Variants in KCNK10 observed in about 807,000 individuals in gnomAD.
KCNK10 encodes the protein potassium channel subfamily K member 10.
In KCNK10, 25 loss-of-function variants were observed where a neutral mutation model predicts 47.7. That is an observed-to-expected ratio of 0.52 (90% CI 0.38 to 0.73). The LOEUF (loss-of-function observed/expected upper bound fraction) is 0.73, where lower values mean the gene tolerates loss of function less well. KCNK10 is among the 30% of genes least tolerant of loss of function. The pLI, the probability that KCNK10 is intolerant of heterozygous loss-of-function variation, is 0.00. For synonymous variants in KCNK10, 303 were observed against 285.6 expected (o/e 1.06, Z -0.61); for missense variants, 563 against 714.5 (o/e 0.79, Z 2.42).
intron 4 of KCNK10, among the ~76,000 whole-genome samples, chr14:88,200,176 T>G (rs1463659774): frequency 6.6e-6 from 1 of 151,954 alleles, no homozygotes; most frequent in Non-Finnish European, 1.5e-5. Flanking sequence ...TCCTTCTTTT[T>G]TTAGACAAAT....
chr14:88,281,217 C>T (rs1340201988), intron 1 of KCNK10, among the ~76,000 whole-genome samples: 1 of 152,212 alleles, frequency 6.6e-6, no homozygotes, highest in Non-Finnish European at 1.5e-5. Context: ...CGGCTGGCTC[C>T]TTCCCATTCT....
chr14:88,290,176 G>T (rs2139780049), intron 1 of KCNK10, among the ~76,000 whole-genome samples: 1 of 152,178 alleles, frequency 6.6e-6, no homozygotes, highest in East Asian at 1.9e-4. Context: ...TATCTGGGTG[G>T]GTCCAGTGTA....
intron 1 of KCNK10, among the ~76,000 whole-genome samples, chr14:88,272,309 G>T (rs987346120): frequency 1.3e-5 from 2 of 152,184 alleles, no homozygotes; most frequent in East Asian, 1.9e-4. Flanking sequence ...GCAACAAAGC[G>T]TGCAGATGCT....
chr14:88,216,340 T>A (rs138931051), intron 4 of KCNK10, among the ~76,000 whole-genome samples: 1 of 152,270 alleles, frequency 6.6e-6, no homozygotes, highest in African/African-American at 2.4e-5. Context: ...TCCCCTTATA[T>A]CCCAGTATAG....
chr14:88,185,954 A>G lies in KCNK10; in HGVS notation c.1213T>C (p.Phe405Leu), dbSNP rs779595594. 3 of 1,613,536 alleles carry G rather than the reference A, an allele frequency of 1.9e-6. No homozygotes were observed. The highest frequency in any genetic ancestry group is 2.2e-5 in the South Asian group (2 of 91,028). The change falls in exon 7 of 7, where the codon TTT (phenylalanine) becomes CTT (leucine). Residue 405 changes from phenylalanine to leucine, a missense_variant. Transcript: ENST00000319231. This position sits in a 1 kb window ranked among gnomAD's most constrained non-coding sequence, Gnocchi z 4.3. ...DMLSPEKRSVFAALDTGRFKA... is the reference protein window; with the variant it reads ...DMLSPEKRSVLAALDTGRFKA... ...AAGCGGCCGGTGTCCAGGGCAGCAA[A>G]GACAGAGCGCTTCTCGGGGGACAGC...
At chr14:88,219,957 C>T (rs1411483477) in intron 4 of KCNK10, among the ~76,000 whole-genome samples, 3 of 152,178 alleles carry the variant, frequency 2.0e-5, no homozygotes, top group Non-Finnish European at 4.4e-5. Flanking sequence ...TTCCTATCCT[C>T]CCTTGCAGAT....
chr14:88,226,878 T>C (rs551597275), intron 4 of KCNK10, among the ~76,000 whole-genome samples: 2 of 152,166 alleles, frequency 1.3e-5, no homozygotes, highest in South Asian at 2.1e-4. Flanking sequence ...CAGTGAGAGA[T>C]GGGAGAGAGA....
chr14:88,197,820 GGGAA>G (rs1884968137), intron 4 of KCNK10, among the ~76,000 whole-genome samples: 1 of 148,894 alleles, frequency 6.7e-6, no homozygotes. Flanking sequence ...GAAGGAGGGA[GGGAA>G]GGAAGGAAGA....
At chr14:88,226,627 CG>C (rs1418778198) in intron 4 of KCNK10, among the ~76,000 whole-genome samples, 2 of 152,082 alleles carry the variant, frequency 1.3e-5, no homozygotes, top group African/African-American at 4.8e-5. Flanking sequence ...CAAATGAGTG[CG>C]AGTTAAAGGG....
At chr14:88,261,826 T>C (rs997436798) in intron 2 of KCNK10, among the ~76,000 whole-genome samples, 6 of 152,142 alleles carry the variant, frequency 3.9e-5, no homozygotes, top group Non-Finnish European at 7.4e-5. Flanking sequence ...GAAACACTTA[T>C]ATGAAATGCT....
At chr14:88,323,537 G>A (rs1189448022), upstream of KCNK10, 2 of 150,746 alleles carry the variant, frequency 1.3e-5, no homozygotes, top group African/African-American at 4.8e-5. Context: ...CCCGGCTCGG[G>A]GCAGCGGGAG....
intron 1 of KCNK10, among the ~76,000 whole-genome samples, chr14:88,276,902 T>A (rs2139768216): frequency 6.6e-6 from 1 of 152,350 alleles, no homozygotes; most frequent in South Asian, 2.1e-4. Context: ...TAAACAAACC[T>A]GAGATCATAT....
At chr14:88,230,294 T>C (rs1045657639) in intron 3 of KCNK10, among the ~76,000 whole-genome samples, 3 of 152,110 alleles carry the variant, frequency 2.0e-5, no homozygotes, top group Non-Finnish European at 2.9e-5. Context: ...TGTTCTCCCA[T>C]AGCACCCACA....
chr14:88,299,700 A>G (rs1336014032), intron 1 of KCNK10, among the ~76,000 whole-genome samples: 1 of 152,234 alleles, frequency 6.6e-6, no homozygotes, highest in African/African-American at 2.4e-5. Context: ...TTTCATAGGT[A>G]CTAGTGCTTG....
intron 2 of KCNK10, among the ~76,000 whole-genome samples, chr14:88,253,637 C>T (rs1886860370): frequency 1.3e-5 from 2 of 152,286 alleles, no homozygotes; most frequent in Non-Finnish European, 1.5e-5. Context: ...CAGTGGCTCA[C>T]ACCTGTAATC....
rs537251609 is a variant in KCNK10, at chr14:88,270,807, G to T, written c.53-7256C>A. On this transcript the variant is annotated intron_variant, in intron 1 of 6. Transcript: ENST00000319231. Reference sequence around the variant, plus strand: ...TCCTCCATATACCAGCCATGTACATGGTGTGTCACTCTCTCAGGTGTCAGT... The same window carrying T: ...TCCTCCATATACCAGCCATGTACATTGTGTGTCACTCTCTCAGGTGTCAGT... The T allele has an allele frequency of 2.8e-5, 22 of 780,944 alleles. No homozygotes were observed. In the Admixed American group the frequency reaches 3.6e-4, roughly 13 times the overall value. 48.4% of individuals were successfully genotyped at this position (780,944 alleles called of 1,614,324 possible). A position where few individuals can be genotyped will look rare whatever the true frequency, so the allele number is the denominator to read the frequency against.
chr14:88,227,668 G>T, intron 3 of KCNK10, 133 bp from the exon 4 acceptor site: 2 of 707,884 alleles, frequency 2.8e-6, no homozygotes, highest in South Asian at 2.5e-5. Context: ...TCATTTCAAA[G>T]GCCCTCTACA....
chr14:88,274,148 C>G lies in KCNK10; in HGVS notation c.53-10597G>C, dbSNP rs141079684. ...TCCACAAGCACCGCCATGGTTCTTTCCCTGGCCTCCAATGTCCCGTGTGCT... is the reference window on the plus strand; with the variant it reads ...TCCACAAGCACCGCCATGGTTCTTTGCCTGGCCTCCAATGTCCCGTGTGCT... On this transcript the variant is annotated intron_variant, in intron 1 of 6. Transcript: ENST00000319231. Among the ~76,000 whole-genome samples the G allele has an allele frequency of 3.7e-3, 551 of 150,918 alleles. 4 individuals are homozygous for G. Among genetic ancestry groups the G allele is most frequent in the African/African-American group, 0.013 (521 of 41,038 alleles).
chr14:88,304,974 G>C (rs1316922547), intron 1 of KCNK10, among the ~76,000 whole-genome samples: 1 of 152,186 alleles, frequency 6.6e-6, no homozygotes, highest in Non-Finnish European at 1.5e-5. Flanking sequence ...GAGGCAGGCA[G>C]ATCACCTGAC....
Sources: allele counts gnomAD v4.1 joint callset (sites outside exome capture counted in the v4.1 genomes callset), GRCh38; gene constraint gnomAD v4.1.1; non-coding constraint Gnocchi (gnomAD v3.1); transcripts MANE v1.5; gene names NCBI Gene and HGNC (gene_info 2026-07-23, HGNC 2026-07-21).